CD96: variants seen among roughly 807,000 people sequenced by gnomAD.
CD96 encodes CD96 molecule.
CD96 carries 70 observed loss-of-function variants against 71.3 expected under a neutral mutation model. That is an observed-to-expected ratio of 0.98 (90% CI 0.81 to 1.20). The LOEUF (loss-of-function observed/expected upper bound fraction) is 1.20, where lower values mean the gene tolerates loss of function less well. Ranked by LOEUF, CD96 falls within the 50% of genes most tolerant of loss-of-function variation. The probability of loss-of-function intolerance (pLI) is 0.00; values close to 1 mark genes in which losing one functional copy is unlikely to be tolerated. For synonymous variants in CD96, 248 were observed against 233.0 expected (o/e 1.06, Z -0.59); for missense variants, 742 against 677.5 (o/e 1.10, Z -1.06).
At chr3:111,582,567 C>T (rs1936515822) in intron 4 of CD96, among the ~76,000 whole-genome samples, 1 of 152,078 alleles carries the variant, frequency 6.6e-6, no homozygotes, top group Non-Finnish European at 1.5e-5. Context: ...TTCTAAGCTG[C>T]ATTAGTTCAT....
chr3:111,555,764 G>A (rs933237336), intron 2 of CD96, among the ~76,000 whole-genome samples: 2 of 152,288 alleles, frequency 1.3e-5, no homozygotes, highest in African/African-American at 2.4e-5. Flanking sequence ...TTTTGTTAAA[G>A]TTCTTGGATG....
intron 10 of CD96, among the ~76,000 whole-genome samples, chr3:111,627,746 G>A (rs948772531): frequency 2.0e-5 from 3 of 152,106 alleles, no homozygotes; most frequent in African/African-American, 4.8e-5. Context: ...CTACAGGCAC[G>A]GTCAGGCCAG....
intron 2 of CD96, among the ~76,000 whole-genome samples, chr3:111,558,864 G>C (rs999374216): frequency 6.6e-6 from 1 of 151,296 alleles, no homozygotes. Context: ...GTAAACTATT[G>C]ACTATTGCCA....
At chr3:111,584,115 A>G (rs1297208843) in intron 4 of CD96, among the ~76,000 whole-genome samples, 1 of 152,184 alleles carries the variant, frequency 6.6e-6, no homozygotes, top group Non-Finnish European at 1.5e-5. Flanking sequence ...CTCCTGCCAG[A>G]CACCCTAAAT....
intron 14 of CD96, among the ~76,000 whole-genome samples, chr3:111,662,656 G>T (rs991499388): frequency 3.3e-5 from 5 of 152,200 alleles, no homozygotes; most frequent in African/African-American, 4.8e-5. Context: ...GAGGCAAAAT[G>T]CCACCAGTCT....
intron 10 of CD96, among the ~76,000 whole-genome samples, chr3:111,626,239 C>T (rs925553938): frequency 6.4e-5 from 9 of 140,418 alleles, no homozygotes; most frequent in Non-Finnish European, 1.2e-4. Context: ...AGGCGGAGCT[C>T]GCAGTGAGCC....
intron 2 of CD96, among the ~76,000 whole-genome samples, chr3:111,553,247 C>T (rs1934811837): frequency 1.3e-5 from 2 of 151,204 alleles, no homozygotes; most frequent in South Asian, 2.1e-4. Flanking sequence ...AATCTGAAAG[C>T]TATATTACAT....
chr3:111,567,991 T>C (rs969165033), intron 3 of CD96, among the ~76,000 whole-genome samples: 40 of 152,240 alleles, frequency 2.6e-4, no homozygotes, highest in African/African-American at 9.6e-4. Context: ...GATACTTGTT[T>C]CACAAACAAC....
At chr3:111,605,210 A>G (rs1159717796) in intron 7 of CD96, among the ~76,000 whole-genome samples, 1 of 152,234 alleles carries the variant, frequency 6.6e-6, no homozygotes, top group African/African-American at 2.4e-5. Flanking sequence ...ATATATGATG[A>G]CACAGTGATG....
downstream of CD96, among the ~76,000 whole-genome samples, chr3:111,656,239 CTT>C (rs1180906711): frequency 2.6e-5 from 4 of 152,118 alleles, no homozygotes; most frequent in East Asian, 5.8e-4. Context: ...TAAAATGACT[CTT>C]AATCATTTGA....
intron 7 of CD96, among the ~76,000 whole-genome samples, chr3:111,601,791 T>G (rs1937507444): frequency 6.6e-6 from 1 of 152,168 alleles, no homozygotes; most frequent in Non-Finnish European, 1.5e-5. Flanking sequence ...AGGAAACAGT[T>G]TTTCTTTGTT....
At chr3:111,577,360 A>G in intron 3 of CD96, 4 of 755,904 alleles carry the variant, frequency 5.3e-6, no homozygotes, top group Non-Finnish European at 9.8e-6. Context: ...CTTCTTAATT[A>G]TTGACCTCCA....
intron 8 of CD96, among the ~76,000 whole-genome samples, chr3:111,620,575 T>A (rs557068827): frequency 3.3e-5 from 5 of 152,266 alleles, no homozygotes; most frequent in African/African-American, 1.2e-4. Flanking sequence ...ACCTGTCAAG[T>A]TGGTTCAGAC....
rs114609032 is a variant in CD96 at position 111,609,063 on chromosome 3, C to T, written c.1180+2271C>T. Among the ~76,000 whole-genome samples, 344 of 152,204 alleles carry T rather than the reference C, an allele frequency of 2.3e-3. 1 individual carries two copies. Among genetic ancestry groups the T allele is most frequent in the African/African-American group, 8.0e-3 (334 of 41,538 alleles). On this transcript the variant is annotated intron_variant, in intron 8 of 13. Transcript: ENST00000352690. ...ATGTTACCCGGGAGAGATGAAATAA[C>T]TTGACCTTTGAAGTATGTATTGTAT...
intron 4 of CD96, among the ~76,000 whole-genome samples, chr3:111,582,917 T>C (rs911628702): frequency 7.2e-5 from 11 of 152,090 alleles, no homozygotes; most frequent in African/African-American, 2.4e-4. Context: ...GTCCCAAATC[T>C]CATGTCCTCA....
intron 5 of CD96, chr3:111,594,053 T>A: frequency 2.5e-6 from 4 of 1,614,136 alleles, no homozygotes; most frequent in Non-Finnish European, 3.4e-6. Context: ...CCGGGTGCCC[T>A]TGTTGTGGGG....
At chr3:111,593,921 C>A in intron 5 of CD96, 1 of 1,613,702 alleles carries the variant, frequency 6.2e-7, no homozygotes, top group Non-Finnish European at 8.5e-7. Flanking sequence ...TGCAGTGGTG[C>A]CCACGTTGAC....
At chr3:111,618,630 G>A (rs1006191065) in intron 8 of CD96, among the ~76,000 whole-genome samples, 1 of 148,128 alleles carries the variant, frequency 6.8e-6, no homozygotes, top group African/African-American at 2.5e-5. Flanking sequence ...TGTTGCCCAG[G>A]CTGGAGTACA....
intron 7 of CD96, among the ~76,000 whole-genome samples, chr3:111,601,116 G>A (rs918476616): frequency 6.6e-6 from 1 of 152,146 alleles, no homozygotes; most frequent in Non-Finnish European, 1.5e-5. Flanking sequence ...AAAGAAAATA[G>A]TTGATTCATG....
Sources: gnomAD v4.1 joint callset for allele counts (sites outside exome capture counted in the v4.1 genomes callset) on GRCh38, gnomAD v4.1.1 for gene constraint, MANE v1.5 for transcripts, NCBI Gene and HGNC (gene_info 2026-07-23, HGNC 2026-07-21) for gene names.